Variants in TRPM1 observed in about 807,000 individuals in gnomAD.
The protein encoded by TRPM1 is TRPM1-203 APA Isoform, Intron 10.
Under a neutral mutation model 149.4 loss-of-function variants are expected in TRPM1, and 113 were observed. The ratio of observed to expected loss-of-function variants is 0.76; its 90% CI spans 0.65 to 0.88. The LOEUF (loss-of-function observed/expected upper bound fraction) is 0.88, where lower values mean the gene tolerates loss of function less well. TRPM1 is among the 40% of genes least tolerant of loss of function. TRPM1 has a pLI of 0.00. For missense variants in TRPM1, 1,976 were observed against 2,038.7 expected, an observed-to-expected ratio of 0.97 and a Z score of 0.59; for synonymous variants, 741 against 759.5, an observed-to-expected ratio of 0.98 and a Z score of 0.40.
chr15:31,119,436 A>G (rs1222792552), intron 1 of TRPM1, among the ~76,000 whole-genome samples: 6 of 152,120 alleles, frequency 3.9e-5, no homozygotes, highest in Admixed American at 3.9e-4. Flanking sequence ...TGAAAAAGAG[A>G]TAAAGATATT....
chr15:31,126,617 G>C (rs142252931), intron 1 of TRPM1, among the ~76,000 whole-genome samples: 2 of 151,596 alleles, frequency 1.3e-5, no homozygotes, highest in African/African-American at 4.8e-5. Context: ...GTTGCCAGAA[G>C]ATTTTTTTTA....
chr15:31,158,567 C>T (rs1401710225), intron 1 of TRPM1, among the ~76,000 whole-genome samples: 8 of 139,710 alleles, frequency 5.7e-5, no homozygotes, highest in African/African-American at 1.9e-4. Flanking sequence ...GTGGAGGTTG[C>T]AGTGAACTGA....
At chr15:31,005,128 T>TAAAC (rs1555415396) in intron 27 of TRPM1, among the ~76,000 whole-genome samples, 4 of 151,178 alleles carry the variant, frequency 2.6e-5, no homozygotes, top group African/African-American at 9.7e-5. Context: ...AATAAATAAA[T>TAAAC]AAATAAATAA....
chr15:31,157,210 G>T (rs1045583288), intron 1 of TRPM1, among the ~76,000 whole-genome samples: 1 of 152,140 alleles, frequency 6.6e-6, no homozygotes, highest in Non-Finnish European at 1.5e-5. Flanking sequence ...ACCACGCCTG[G>T]CTAGTGGCTT....
At chr15:31,130,771 T>C (rs967584426) in intron 1 of TRPM1, among the ~76,000 whole-genome samples, 29 of 152,074 alleles carry the variant, frequency 1.9e-4, no homozygotes, top group African/African-American at 2.4e-5. Flanking sequence ...TCATCTCCAG[T>C]CCAACCAATC....
rs1012523297 is a variant in TRPM1 at position 31,091,734 on chromosome 15, G to A, written c.-84+9923C>T. ...CCCAGTGTGGTCTGTGGTGACCAGT[G>A]ACTCATGGTCAGTGTCTGGGCTGCT... On this transcript the variant is annotated intron_variant, in intron 1 of 27. Transcript: ENST00000256552. 7.9e-5 allele frequency among the ~76,000 whole-genome samples: 12 copies of A among 152,206 alleles called. 1 individual carries two copies. The highest frequency in any genetic ancestry group is 2.9e-4 in the African/African-American group (12 of 41,424).
At chr15:31,031,502 G>A (rs148819080) in intron 22 of TRPM1, among the ~76,000 whole-genome samples, 1,669 of 152,290 alleles carry the variant, frequency 0.011, 7 homozygotes, top group South Asian at 0.02. Flanking sequence ...GGGATGCTAA[G>A]GAGGAAGAGG....
chr15:31,141,997 G>T (rs1399236084), intron 1 of TRPM1, among the ~76,000 whole-genome samples: 4 of 152,278 alleles, frequency 2.6e-5, no homozygotes, highest in Admixed American at 6.5e-5. Context: ...GAGGCAGGAG[G>T]ATCTCTTGAG....
intron 16 of TRPM1, among the ~76,000 whole-genome samples, chr15:31,043,438 C>T (rs1049710590): frequency 7.9e-5 from 12 of 152,146 alleles, no homozygotes; most frequent in African/African-American, 2.4e-4. Context: ...GTGGTCCTCC[C>T]GCCTCGGCCT....
chr15:31,027,170 T>C (rs999907926), intron 25 of TRPM1, 53 bp from the exon 26 acceptor site: 1 of 1,558,856 alleles, frequency 6.4e-7, no homozygotes, highest in African/African-American at 1.4e-5. Flanking sequence ...TATAGTGATT[T>C]CCCAGAGCAG....
Position 31,002,753 on chromosome 15 carries a change from C to G in TRPM1, c.3947G>C (p.Gly1316Ala). The change falls in exon 28 of 28, where the codon GGG (glycine) becomes GCG (alanine). Residue 1316 changes from glycine (G) to alanine (A), a missense_variant. Transcript: ENST00000256552. ...ACAGGTTTTTTTCCTGACTCCTGTC[C>G]CTGGTGACGTGGAGAGAGATGTATC... ...FEDTSLSTSP[G>A]TGVRKKTCSF... 4.3e-6 allele frequency: 7 copies of G among 1,614,116 alleles called. No homozygotes were observed. The highest frequency in any genetic ancestry group is 5.9e-6 in the Non-Finnish European group (7 of 1,180,020).
chr15:31,062,986 G>C, intron 8 of TRPM1, 132 bp downstream of exon 8: 1 of 1,276,666 alleles, frequency 7.8e-7, no homozygotes, highest in Non-Finnish European at 1.1e-6. Flanking sequence ...GAGGAAATGG[G>C]AGAGGAGATC....
At chr15:31,011,635 A>C (rs147719893) in intron 27 of TRPM1, among the ~76,000 whole-genome samples, 223 of 149,008 alleles carry the variant, frequency 1.5e-3, no homozygotes, top group Middle Eastern at 3.5e-3. Flanking sequence ...ATCTTAATTT[A>C]TAACAGTCTA....
rs890937284 is a variant in TRPM1 at position 31,113,409 on chromosome 15, G to C, written c.55-36425C>G. On this transcript the variant is annotated intron_variant, in intron 1 of 26. Coordinates refer to the TRPM1 transcript ENST00000542188. ...CTCCAAAGGGTCACCTATGCATACAGAATTCAATACCCAGCTCTGACAGTT... is the reference window on the plus strand; with the variant it reads ...CTCCAAAGGGTCACCTATGCATACACAATTCAATACCCAGCTCTGACAGTT... Among the ~76,000 whole-genome samples, 2 of 148,118 alleles carry C rather than the reference G, an allele frequency of 1.4e-5. 1 individual carries two copies.
In TRPM1 at chr15:31,091,714, T is replaced by A. The variant is rs150282879; in HGVS notation, c.-84+9943A>T. 7.1e-3 allele frequency among the ~76,000 whole-genome samples: 1,086 copies of A among 152,282 alleles called. 4 individuals carry two copies. Among genetic ancestry groups the A allele is most frequent in the Non-Finnish European group, 0.01 (703 of 68,024 alleles). ...TTCCTCTGGGGCTGTCCTGACCCAG[T>A]GTGGTCTGTGGTGACCAGTGACTCA... is the stretch of plus-strand genomic sequence containing the variant. On this transcript the variant is annotated intron_variant, in intron 1 of 27. Transcript: ENST00000256552.
chr15:31,043,663 A>T (rs1258965618), intron 16 of TRPM1, among the ~76,000 whole-genome samples: 1 of 152,230 alleles, frequency 6.6e-6, no homozygotes, highest in Non-Finnish European at 1.5e-5. Context: ...TTAAAAATGA[A>T]CATCGTAGAA....
chr15:31,128,064 T>C (rs1265111031), intron 1 of TRPM1, among the ~76,000 whole-genome samples: 1 of 152,104 alleles, frequency 6.6e-6, no homozygotes, highest in Non-Finnish European at 1.5e-5. Flanking sequence ...TGGATCTTTA[T>C]TATCTGCAGA....
chr15:31,086,001 T>A (rs2034990923), intron 1 of TRPM1, among the ~76,000 whole-genome samples: 1 of 151,972 alleles, frequency 6.6e-6, no homozygotes, highest in Non-Finnish European at 1.5e-5. Flanking sequence ...GTACGATCAC[T>A]GATCTCTGAC....
In TRPM1 at chr15:31,001,716, T is replaced by G. The variant is rs1462715963; in HGVS notation, c.*106A>C. 1.5e-6 allele frequency: 2 copies of G among 1,353,390 alleles called. No homozygotes were observed. Among genetic ancestry groups the G allele is most frequent in the Non-Finnish European group, 2.0e-6 (2 of 1,004,164 alleles). The allele number at this position is 1,353,390 out of a possible 1,614,324, so 83.8% of individuals were successfully genotyped here. On this transcript the variant is annotated 3_prime_UTR_variant, in exon 28 of 28. Transcript: ENST00000256552. ...GTAAATCAAGTCTGAATTTCCAAAA[T>G]TTTTTAAGGAAAATGTTTTTAGAAA... is the stretch of plus-strand genomic sequence containing the variant.
Sources: gnomAD v4.1 joint callset for allele counts (sites outside exome capture counted in the v4.1 genomes callset) on GRCh38, gnomAD v4.1.1 for gene constraint, MANE v1.5 for transcripts, NCBI Gene and HGNC (gene_info 2026-07-23, HGNC 2026-07-21) for gene names.